Variants in TANC2 observed in about 807,000 individuals in gnomAD.
TANC2 encodes protein TANC2.
In TANC2, 26 loss-of-function variants were observed where a neutral mutation model predicts 210.5. That is an observed-to-expected ratio of 0.12 (90% confidence interval 0.09 to 0.17). The LOEUF (loss-of-function observed/expected upper bound fraction) is 0.17, where lower values mean the gene tolerates loss of function less well. Ranked by LOEUF, TANC2 falls within the 10% of genes least tolerant of loss-of-function variation. The pLI is 1.00. For missense variants in TANC2, 2,129 were observed against 2,608.9 expected (o/e 0.82, Z 4.01); for synonymous variants, 931 against 967.1 (o/e 0.96, Z 0.69).
rs1236605997 is a variant in TANC2 at position 63,379,952 on chromosome 17, C to A, written c.2691+126C>A. ...CTTTTGCTGCAAACTTGGTTCATCT[C>A]CCAACACGTATGGCCTGTTCCTCCC... On this transcript the variant is annotated intron_variant, in intron 15 of 27. Transcript: ENST00000689528. 6 of 720,554 alleles carry A rather than the reference C, an allele frequency of 8.3e-6. No homozygotes were observed. The Admixed American group carries it at 1.6e-4, about 19-fold the overall frequency. 44.6% of individuals were successfully genotyped at this position (720,554 alleles called of 1,614,324 possible). A position where few individuals can be genotyped will look rare whatever the true frequency, so the allele number is the denominator to read the frequency against.
At chr17:63,056,776 A>G (rs1300499542) in intron 2 of TANC2, among the ~76,000 whole-genome samples, 3 of 152,098 alleles carry the variant, frequency 2.0e-5, no homozygotes, top group Non-Finnish European at 2.9e-5. Flanking sequence ...ACTTGAAACT[A>G]TTTCTTAAGC....
intron 8 of TANC2, among the ~76,000 whole-genome samples, chr17:63,255,520 T>G (rs545709377): frequency 1.3e-5 from 2 of 152,328 alleles, no homozygotes; most frequent in South Asian, 4.1e-4. Context: ...AGTTTTGCAT[T>G]TCTTCATAGT....
chr17:63,181,026 A>C (rs2040765764), intron 5 of TANC2, among the ~76,000 whole-genome samples: 1 of 82,490 alleles, frequency 1.2e-5, no homozygotes, highest in Non-Finnish European at 2.3e-5. Context: ...TCCATCTCAA[A>C]AAAAAAAAAA....
chr17:63,041,543 G>A lies in TANC2; in HGVS notation c.67+31917G>A, dbSNP rs1167448492. On this transcript the variant is annotated intron_variant, in intron 2 of 27. Transcript: ENST00000689528. ...AAAATGAAGTCGCTAAAGCACTTCA[G>A]TAATCTTAATCATTGAACATTTTTT... Among the ~76,000 whole-genome samples, 3 of 152,138 alleles carry A rather than the reference G, an allele frequency of 2.0e-5. No individual in the cohort carries two copies. In the East Asian group the frequency reaches 5.8e-4, roughly 29 times the overall value.
At chr17:63,064,408 A>G (rs923649866) in intron 2 of TANC2, among the ~76,000 whole-genome samples, 39 of 152,330 alleles carry the variant, frequency 2.6e-4, no homozygotes, top group African/African-American at 9.4e-4. Flanking sequence ...GCAATGAGCC[A>G]TTATCACACC....
At chr17:63,245,337 C>CA (rs2042885503) in intron 8 of TANC2, among the ~76,000 whole-genome samples, 1 of 152,142 alleles carries the variant, frequency 6.6e-6, no homozygotes, top group South Asian at 2.1e-4. Flanking sequence ...TGAAGACTCT[C>CA]ACATGTATAA....
At chr17:63,258,408 C>T (rs1198893813) in intron 8 of TANC2, among the ~76,000 whole-genome samples, 3 of 152,108 alleles carry the variant, frequency 2.0e-5, no homozygotes, top group African/African-American at 4.8e-5. Flanking sequence ...TGTTATTCTC[C>T]CTTTGAATAA....
chr17:63,336,072 T>C (rs2046017123), intron 11 of TANC2, among the ~76,000 whole-genome samples: 2 of 152,286 alleles, frequency 1.3e-5, no homozygotes, highest in East Asian at 1.9e-4. Context: ...AGAATCAGAA[T>C]TGAGGGACTA....
chr17:63,142,728 C>A (rs1018520429), intron 4 of TANC2, among the ~76,000 whole-genome samples: 1 of 151,830 alleles, frequency 6.6e-6, no homozygotes, highest in African/African-American at 2.4e-5. Context: ...ATTGTTGTAA[C>A]CATAAAATTT....
chr17:63,160,891 C>G (rs966797506), intron 5 of TANC2, among the ~76,000 whole-genome samples: 9 of 152,058 alleles, frequency 5.9e-5, no homozygotes, highest in Non-Finnish European at 1.3e-4. Flanking sequence ...TCACTTTAAC[C>G]CCCCATGGTC....
chr17:63,315,005 G>A (rs2045270370), intron 10 of TANC2, among the ~76,000 whole-genome samples: 1 of 152,124 alleles, frequency 6.6e-6, no homozygotes, highest in South Asian at 2.1e-4. Flanking sequence ...ATTTTGCTCA[G>A]TCTGTGCCCA....
chr17:63,144,068 C>G (rs1432023295), intron 4 of TANC2, among the ~76,000 whole-genome samples: 1 of 152,164 alleles, frequency 6.6e-6, no homozygotes, highest in Non-Finnish European at 1.5e-5. Flanking sequence ...TTTCTCCACA[C>G]TTAGCTCTGT....
At chr17:63,350,079 A>T (rs1030203426) in intron 12 of TANC2, among the ~76,000 whole-genome samples, 1 of 152,230 alleles carries the variant, frequency 6.6e-6, no homozygotes, top group Admixed American at 6.5e-5. Context: ...GCTTTAGGAG[A>T]AAAACAATAA....
At chr17:63,342,482 C>T (rs2046264868) in intron 12 of TANC2, among the ~76,000 whole-genome samples, 1 of 151,728 alleles carries the variant, frequency 6.6e-6, no homozygotes, top group African/African-American at 2.4e-5. Context: ...CACAGTGATA[C>T]AAGGATCTAC....
intron 14 of TANC2, among the ~76,000 whole-genome samples, chr17:63,375,333 G>A (rs2047391811): frequency 6.6e-6 from 1 of 152,190 alleles, no homozygotes; most frequent in Non-Finnish European, 1.5e-5. Context: ...CTCAGTGCCT[G>A]ATGCAAAAGC....
At chr17:63,310,263 A>G (rs1411472670) in intron 9 of TANC2, among the ~76,000 whole-genome samples, 1 of 152,166 alleles carries the variant, frequency 6.6e-6, no homozygotes, top group Non-Finnish European at 1.5e-5. Context: ...CCTGGCCAAC[A>G]TGGTGAAACC....
intron 4 of TANC2, among the ~76,000 whole-genome samples, chr17:63,104,248 C>G (rs1392596914): frequency 6.6e-6 from 1 of 152,074 alleles, no homozygotes; most frequent in Non-Finnish European, 1.5e-5. Flanking sequence ...TCTCTAGATT[C>G]TTGCCCAGTG....
chr17:63,006,522 T>C (rs1318356924), intron 1 of TANC2, among the ~76,000 whole-genome samples: 2 of 152,190 alleles, frequency 1.3e-5, no homozygotes, highest in African/African-American at 4.8e-5. Context: ...GTTCAACTTA[T>C]GGGTATTTAG....
chr17:63,322,993 T>C (rs2045543976), intron 11 of TANC2, among the ~76,000 whole-genome samples: 1 of 152,232 alleles, frequency 6.6e-6, no homozygotes, highest in African/African-American at 2.4e-5. Flanking sequence ...TATAACATTG[T>C]ATCAGAAGTA....
Sources: gnomAD v4.1 joint callset for allele counts (sites outside exome capture counted in the v4.1 genomes callset) on GRCh38, gnomAD v4.1.1 for gene constraint, MANE v1.5 for transcripts, NCBI Gene and HGNC (gene_info 2026-07-23, HGNC 2026-07-21) for gene names.